PRODH2: variants seen among roughly 807,000 people sequenced by gnomAD.
PRODH2 encodes proline dehydrogenase 2, also known as hydroxyproline dehydrogenase.
Under a neutral mutation model 51.9 loss-of-function variants are expected in PRODH2, and 49 were observed. The observed-to-expected ratio is 0.94, with a 90% CI of 0.75 to 1.20. The LOEUF is 1.20. Ranked by LOEUF, PRODH2 falls within the 50% of genes most tolerant of loss-of-function variation. The pLI is 0.00. For missense variants in PRODH2, 597 were observed against 610.9 expected (o/e 0.98, Z 0.24); for synonymous variants, 249 against 260.7 (o/e 0.96, Z 0.43).
At chr19:35,803,197 A>G in intron 7 of PRODH2, 119 bp from the exon 8 acceptor site, 1 of 551,618 alleles carries the variant, frequency 1.8e-6, no homozygotes, top group South Asian at 3.6e-5. Flanking sequence ...TTCCATCTGC[A>G]CCAGTTGTAA....
chr19:35,810,787 C>T (rs1972596164), intron 4 of PRODH2, among the ~76,000 whole-genome samples: 1 of 152,156 alleles, frequency 6.6e-6, no homozygotes, highest in Non-Finnish European at 1.5e-5. Context: ...TCCCAAAGTG[C>T]TGGGATTACA....
intron 7 of PRODH2, among the ~76,000 whole-genome samples, chr19:35,804,241 G>A (rs1198589794): frequency 1.3e-5 from 2 of 152,164 alleles, no homozygotes; most frequent in Non-Finnish European, 2.9e-5. Flanking sequence ...AGGTTGGAGT[G>A]CAGTGGCGTG....
At chr19:35,811,003 A>T (rs765555683) in intron 4 of PRODH2, among the ~76,000 whole-genome samples, 9 of 152,168 alleles carry the variant, frequency 5.9e-5, no homozygotes, top group Non-Finnish European at 8.8e-5. Context: ...ATTTAGGGGG[A>T]AAACATGTCT....
intron 9 of PRODH2, among the ~76,000 whole-genome samples, chr19:35,800,733 C>T (rs1972409494): frequency 1.3e-5 from 2 of 151,998 alleles, no homozygotes; most frequent in African/African-American, 4.8e-5. Context: ...AGCCCTGTGG[C>T]CCAGGCTGGA....
chr19:35,812,251 G>T lies in PRODH2; in HGVS notation c.393C>A (p.Asn131Lys), dbSNP rs374226189. The T allele has an allele frequency of 3.1e-6, 5 of 1,613,542 alleles. No individual in the cohort carries two copies. Among genetic ancestry groups the T allele is most frequent in the African/African-American group, 1.3e-5 (1 of 74,950 alleles). The change falls in exon 3 of 10, where the codon AAC (asparagine) becomes AAA (lysine). Residue 131 changes from asparagine to lysine, a missense_variant. Coordinates refer to ENST00000653904, the MANE Select transcript of PRODH2 (RefSeq NM_021232.2). ...AKSGEAWYEG[N>K]LGAMLRCVDL... ...CCACACACCGCAGCATAGCACCGAGGTTCCCCTCATACCACGCCTCACTGC... is the reference window on the plus strand; with the variant it reads ...CCACACACCGCAGCATAGCACCGAGTTTCCCCTCATACCACGCCTCACTGC...
rs1224784313 is a variant in PRODH2, at chr19:35,812,760, AG to A, written c.45del (p.Ser16ProfsTer7). ...CYVLCSQAGP[P>X]SRGWQSLSFD... is the part of the protein sequence containing the mutation. ...AAGCTCAGGGACTGCCAGCCCCTGGAGGGGGGACCAGCTTGGGAACAGAGCA... is the reference window on the plus strand; with the variant it reads ...AAGCTCAGGGACTGCCAGCCCCTGGAGGGGGACCAGCTTGGGAACAGAGCA... On this transcript the variant is annotated frameshift_variant, in exon 1 of 10. Coordinates refer to ENST00000653904, the MANE Select transcript of PRODH2 (RefSeq NM_021232.2). LOFTEE classifies it high-confidence loss of function. The A allele has an allele frequency of 2.0e-5, 32 of 1,608,906 alleles. No individual in the cohort carries two copies. The highest frequency in any genetic ancestry group is 2.5e-5 in the Non-Finnish European group (29 of 1,176,822).
chr19:35,812,581 A>G, intron 1 of PRODH2, 25 bp from the exon 2 acceptor site: 3 of 1,609,306 alleles, frequency 1.9e-6, no homozygotes, highest in Non-Finnish European at 2.5e-6. Context: ...GCGAGGGCTC[A>G]GCGCCAGGCT....
chr19:35,812,527 G>C lies in PRODH2; in HGVS notation c.204C>G (p.Gly68=), dbSNP rs559098565. The C allele has an allele frequency of 6.2e-7, 1 of 1,614,162 alleles. No homozygotes were observed. The highest frequency in any genetic ancestry group is 8.5e-7 in the Non-Finnish European group (1 of 1,179,996). The change falls in exon 2 of 10, where the codon GGC becomes GGG. Residue 68 remains glycine, a synonymous_variant. Transcript: ENST00000653904. ...GGAGAAATGCGCCTGAGAGCCGGGAGCCCAGGAGTCGCCGAGACCAGGCCT... is the reference window on the plus strand; with the variant it reads ...GGAGAAATGCGCCTGAGAGCCGGGACCCCAGGAGTCGCCGAGACCAGGCCT... ...LLQAWSRRLL[G]SRLSGAFLRA...
chr19:35,812,640 C>T lies in PRODH2; in HGVS notation c.166G>A (p.Gly56Arg), dbSNP rs61910694. ...LCAWPPLVTH[G>R]LLLQAWSRRL... ...TCAGGATCACTGCTCACCAACAGCC[C>T]GTGAGTGACGAGTGGGGGCCAGGCA... Residue 56 changes from glycine (G) to arginine (R), a missense_variant, in exon 1 of 10, where the codon GGG (glycine) becomes AGG (arginine). Coordinates refer to ENST00000653904, the MANE Select transcript of PRODH2 (RefSeq NM_021232.2). 1.4e-5 allele frequency: 22 copies of T among 1,592,234 alleles called. No individual in the cohort carries two copies. The highest frequency in any genetic ancestry group is 3.4e-5 in the South Asian group (3 of 88,228).
At chr19:35,804,935 CA>C (rs1400428538) in intron 7 of PRODH2, among the ~76,000 whole-genome samples, 12 of 151,884 alleles carry the variant, frequency 7.9e-5, no homozygotes, top group Admixed American at 5.9e-4. Context: ...GACCCTGTCT[CA>C]AAAATAACTT....
In PRODH2 at chr19:35,812,255, C is replaced by T. The variant is rs767065521; in HGVS notation, c.389G>A (p.Gly130Glu). ...AAKSGEAWYE[G>E]NLGAMLRCVD... ...ACACCGCAGCATAGCACCGAGGTTCCCCTCATACCACGCCTCACTGCCCAG... is the reference window on the plus strand; with the variant it reads ...ACACCGCAGCATAGCACCGAGGTTCTCCTCATACCACGCCTCACTGCCCAG... Residue 130 changes from glycine (G) to glutamate (E), a missense_variant, in exon 3 of 10, where the codon GGG becomes GAG. By Grantham distance (98) the Gly-to-Glu change is moderately conservative. Transcript: ENST00000653904. The T allele has an allele frequency of 1.9e-6, 3 of 1,613,492 alleles. No individual in the cohort carries two copies. The highest frequency in any genetic ancestry group is 2.7e-5 in the African/African-American group (2 of 74,950).
In PRODH2 at chr19:35,812,045, C is replaced by T; in HGVS notation, c.514G>A (p.Glu172Lys). 6.2e-7 allele frequency: 1 copy of T among 1,614,198 alleles called. No homozygotes were observed. The highest frequency in any genetic ancestry group is 1.3e-5 in the African/African-American group (1 of 75,070). ...GGCCTTCTGACCCACGAGGCTAGCT[C>T]CTTCTGAAATGGGGTGGTAGGCGGG... ...TALTSTRLCK[E>K]LASWVRRPGA... The change falls in exon 4 of 10, where the codon GAG (glutamate) becomes AAG (lysine). Residue 172 changes from glutamate (E) to lysine (K), a missense_variant. Coordinates refer to ENST00000653904, the MANE Select transcript of PRODH2 (RefSeq NM_021232.2).
intron 7 of PRODH2, among the ~76,000 whole-genome samples, chr19:35,804,143 A>C (rs971451653): frequency 3.9e-5 from 6 of 152,200 alleles, no homozygotes; most frequent in African/African-American, 7.2e-5. Context: ...CATAGGGGTC[A>C]AAATAGCTTC....
At chr19:35,802,097 G>A (rs1363237819) in intron 9 of PRODH2, 94 bp downstream of exon 9, 8 of 1,160,662 alleles carry the variant, frequency 6.9e-6, no homozygotes, top group Non-Finnish European at 9.1e-6. Flanking sequence ...GGAAGGATCT[G>A]GAGGCTGGGC....
intron 7 of PRODH2, among the ~76,000 whole-genome samples, chr19:35,805,107 T>TA (rs1297224428): frequency 6.6e-6 from 1 of 151,876 alleles, no homozygotes; most frequent in Non-Finnish European, 1.5e-5. Flanking sequence ...TGCTCATTGG[T>TA]ATGAGGTTAC....
At chr19:35,801,630 G>A (rs1447664330) in intron 9 of PRODH2, among the ~76,000 whole-genome samples, 1 of 152,042 alleles carries the variant, frequency 6.6e-6, no homozygotes, top group Non-Finnish European at 1.5e-5. Flanking sequence ...CCTGAGGTGA[G>A]AGTTATAAGG....
At chr19:35,808,040 G>T (rs755059690) in intron 4 of PRODH2, among the ~76,000 whole-genome samples, 11 of 152,194 alleles carry the variant, frequency 7.2e-5, no homozygotes, top group Admixed American at 1.3e-4. Context: ...CTTCCAAAGT[G>T]CTGGGATTCT....
rs375005601 is a variant in PRODH2 at position 35,806,456 on chromosome 19, C to G, written c.975G>C (p.Gln325His). The change falls in exon 7 of 10, where the codon CAG becomes CAC. Residue 325 changes from glutamine (Q) to histidine (H), a missense_variant. Physicochemically the swap from Gln to His is conservative, Grantham distance 24. Transcript: ENST00000653904. ...AQLHGMEDPTQPDYEATSQSY... is the reference protein window; with the variant it reads ...AQLHGMEDPTHPDYEATSQSY... ...TCTGACTGGTGGCCTCATAGTCAGG[C>G]TGAGTGGGGTCTTCCATCCCATGGA... 6.2e-7 allele frequency: 1 copy of G among 1,613,952 alleles called. No homozygotes were observed. Among genetic ancestry groups the G allele is most frequent in the African/African-American group, 1.3e-5 (1 of 74,892 alleles).
intron 4 of PRODH2, among the ~76,000 whole-genome samples, chr19:35,808,000 C>T (rs183969524): frequency 1.3e-5 from 2 of 152,284 alleles, no homozygotes; most frequent in African/African-American, 4.8e-5. Flanking sequence ...GTCTCAGTCT[C>T]CTGGACTCAA....
Sources: gnomAD v4.1 joint callset for allele counts (sites outside exome capture counted in the v4.1 genomes callset) on GRCh38, gnomAD v4.1.1 for gene constraint, MANE v1.5 for transcripts, NCBI Gene and HGNC (gene_info 2026-07-23, HGNC 2026-07-21) for gene names.